Variants in RYR2 observed in about 807,000 individuals in gnomAD.
RYR2 encodes cardiac muscle ryanodine receptor-calcium release channel.
Under a neutral mutation model 601.1 loss-of-function variants are expected in RYR2, and 227 were observed. The ratio of observed to expected loss-of-function variants is 0.38; its 90% CI spans 0.34 to 0.42. The LOEUF (loss-of-function observed/expected upper bound fraction) is 0.42, where lower values mean the gene tolerates loss of function less well. RYR2 is among the 10% of genes least tolerant of loss of function. The pLI is 1.00. For missense variants in RYR2, 4,646 were observed against 6,156.5 expected (o/e 0.75, Z 8.21); for synonymous variants, 2,223 against 2,175.1 (o/e 1.02, Z -0.61).
At chr1:237,433,580 C>T (rs1380444349) in intron 12 of RYR2, among the ~76,000 whole-genome samples, 1 of 151,936 alleles carries the variant, frequency 6.6e-6, no homozygotes, top group Non-Finnish European at 1.5e-5. Context: ...TCACTTAATC[C>T]CTTTGTTAGT....
chr1:237,517,809 C>T (rs1666705163), intron 24 of RYR2, among the ~76,000 whole-genome samples: 1 of 152,058 alleles, frequency 6.6e-6, no homozygotes, highest in Non-Finnish European at 1.5e-5. Context: ...CACCCAAAGT[C>T]CACAGCATGA....
intron 1 of RYR2, among the ~76,000 whole-genome samples, chr1:237,070,958 C>T (rs987685019): frequency 2.0e-5 from 3 of 152,266 alleles, no homozygotes; most frequent in Non-Finnish European, 4.4e-5. Flanking sequence ...GGCCACTGCT[C>T]TTCTCTCCTT....
intron 27 of RYR2, among the ~76,000 whole-genome samples, chr1:237,562,004 G>A (rs1353119065): frequency 6.6e-6 from 1 of 152,114 alleles, no homozygotes; most frequent in Non-Finnish European, 1.5e-5. Flanking sequence ...TACTGCTGTT[G>A]CTGACATTTA....
At chr1:237,710,621 G>A (rs1688749792) in intron 70 of RYR2, among the ~76,000 whole-genome samples, 1 of 151,644 alleles carries the variant, frequency 6.6e-6, no homozygotes, top group Admixed American at 6.6e-5. Flanking sequence ...ACTCATGTTT[G>A]GGGGATGCAA....
rs1668864467 is a variant in RYR2 at position 237,107,519 on chromosome 1, C to CAAAAAAAAGAAAAA, written c.48+64958_48+64959insGAAAAAAAAAAAAA. ...TGGGAGACAGAGTGAGACTCCATCT[C>CAAAAAAAAGAAAAA]AAAAAAAAAAAAAAAAAGGAAACAT... On this transcript the variant is annotated intron_variant, in intron 1 of 104. Transcript: ENST00000366574. Among the ~76,000 whole-genome samples the CAAAAAAAAGAAAAA allele has an allele frequency of 5.1e-5, 2 of 38,900 alleles. 1 individual carries two copies. The highest frequency in any genetic ancestry group is 1.0e-4 in the Non-Finnish European group (2 of 19,368). The allele number at this position is 38,900 out of a possible 152,430, so 25.5% of individuals were successfully genotyped here. A position where few individuals can be genotyped will look rare whatever the true frequency, so the allele number is the denominator to read the frequency against.
At chr1:237,066,584 C>CT (rs1328653680) in intron 1 of RYR2, among the ~76,000 whole-genome samples, 4 of 150,978 alleles carry the variant, frequency 2.6e-5, no homozygotes, top group Non-Finnish European at 5.9e-5. Context: ...TTTGCTTTTC[C>CT]CTAATGGTTA....
rs188820255 is a variant in RYR2, at chr1:237,700,638, T to C, written c.9367+171T>C. On this transcript the variant is annotated intron_variant, in intron 65 of 104. Transcript: ENST00000366574. ...ACATTTGTGTGATAGACACCATTCTTACAGAAATAGATCTCTGAATTACAT... is the reference window on the plus strand; with the variant it reads ...ACATTTGTGTGATAGACACCATTCTCACAGAAATAGATCTCTGAATTACAT... Among the ~76,000 whole-genome samples the C allele has an allele frequency of 2.0e-4, 31 of 152,280 alleles. 1 individual carries two copies. In the East Asian group the frequency reaches 2.9e-3, roughly 14 times the overall value.
chr1:237,260,429 T>G (rs1688401554), intron 1 of RYR2, among the ~76,000 whole-genome samples: 1 of 152,206 alleles, frequency 6.6e-6, no homozygotes, highest in Non-Finnish European at 1.5e-5. Context: ...CGAAGGTGAT[T>G]CAAATGTAGG....
In RYR2 at chr1:237,322,275, T is replaced by C. The variant is rs541886130; in HGVS notation, c.169-8603T>C. On this transcript the variant is annotated intron_variant, in intron 2 of 104. Transcript: ENST00000366574. ...AATTGAATTTGAAGACATCATCTTA[T>C]CACCTACACAACTTTAATTGTGGAA... 3.3e-5 allele frequency among the ~76,000 whole-genome samples: 5 copies of C among 152,342 alleles called. No individual in the cohort carries two copies. In the South Asian group the frequency reaches 1.0e-3, roughly 32 times the overall value.
At chr1:237,403,139 A>G (rs1703539201) in intron 10 of RYR2, among the ~76,000 whole-genome samples, 1 of 152,154 alleles carries the variant, frequency 6.6e-6, no homozygotes, top group Non-Finnish European at 1.5e-5. Context: ...AATTGCTTGA[A>G]AGTTCTCCAA....
At chr1:237,641,594 T>C (rs190722697) in intron 47 of RYR2, among the ~76,000 whole-genome samples, 2 of 151,884 alleles carry the variant, frequency 1.3e-5, no homozygotes, top group Admixed American at 1.3e-4. Context: ...CAGGCTAGAG[T>C]GCAGTGGCAT....
intron 2 of RYR2, among the ~76,000 whole-genome samples, chr1:237,296,761 G>A (rs994191299): frequency 3.3e-5 from 5 of 152,160 alleles, no homozygotes; most frequent in Non-Finnish European, 7.3e-5. Flanking sequence ...GAAGACAAAG[G>A]GGCTCAGGTC....
At chr1:237,064,770 T>A (rs111300080) in intron 1 of RYR2, among the ~76,000 whole-genome samples, 22 of 143,716 alleles carry the variant, frequency 1.5e-4, no homozygotes, top group Admixed American at 3.4e-4. Flanking sequence ...TTTTTTTTTT[T>A]TTTTTTTTTT....
At chr1:237,178,333 T>C (rs1678291776) in intron 1 of RYR2, among the ~76,000 whole-genome samples, 3 of 152,118 alleles carry the variant, frequency 2.0e-5, no homozygotes, top group Admixed American at 2.0e-4. Context: ...GGCATTCTTA[T>C]AGTAGGAGAA....
At chr1:237,669,509 A>ACCC (rs1212386532) in intron 58 of RYR2, among the ~76,000 whole-genome samples, 1 of 123,756 alleles carries the variant, frequency 8.1e-6, no homozygotes, top group African/African-American at 2.8e-5. Context: ...CGGGGGGCTG[A>ACCC]CCCCCCCCAC....
At chr1:237,577,515 T>A (rs12133009) in intron 29 of RYR2, among the ~76,000 whole-genome samples, 43,973 of 98,698 alleles carry the variant, frequency 0.45, 6,839 homozygotes, top group East Asian at 0.66. Context: ...TGTGTGTGTG[T>A]GTGTGTGTGT....
chr1:237,675,481 T>C (rs965899216), intron 60 of RYR2, among the ~76,000 whole-genome samples: 2 of 152,214 alleles, frequency 1.3e-5, no homozygotes, highest in African/African-American at 4.8e-5. Context: ...TGTTAATTTC[T>C]TACCTTAATG....
At chr1:237,617,864 C>T (rs1180310297) in intron 38 of RYR2, among the ~76,000 whole-genome samples, 2 of 152,152 alleles carry the variant, frequency 1.3e-5, no homozygotes, top group African/African-American at 4.8e-5. Flanking sequence ...AGAAGAAACA[C>T]ATGTCTCTTC....
chr1:237,065,555 G>T (rs1007145718), intron 1 of RYR2, among the ~76,000 whole-genome samples: 12 of 152,024 alleles, frequency 7.9e-5, no homozygotes, highest in African/African-American at 2.7e-4. Context: ...AAAGTGCTGG[G>T]ATTACAGGCG....
Sources: gnomAD v4.1 joint callset for allele counts (sites outside exome capture counted in the v4.1 genomes callset) on GRCh38, gnomAD v4.1.1 for gene constraint, MANE v1.5 for transcripts, NCBI Gene and HGNC (gene_info 2026-07-23, HGNC 2026-07-21) for gene names.